DST: variants seen among roughly 807,000 people sequenced by gnomAD.
DST encodes the protein dystonin.
A neutral mutation model predicts 875.2 loss-of-function variants in DST; 253 were observed. The observed-to-expected ratio is 0.29, with a 90% CI of 0.26 to 0.32. DST has a LOEUF of 0.32. Among genes scored for constraint, DST ranks in the 10% least tolerant of loss-of-function variants. The pLI is 1.00. For missense variants in DST, 8,287 were observed against 9,111.6 expected (o/e 0.91, Z 3.68); for synonymous variants, 3,124 against 3,197.1 (o/e 0.98, Z 0.77).
chr6:56,617,368 T>C (rs2098638068), intron 36 of DST: 1 of 1,613,934 alleles, frequency 6.2e-7, no homozygotes, highest in Non-Finnish European at 8.5e-7. Context: ...TCTTTTCTTG[T>C]TTTAATGTTG....
chr6:56,533,166 A>G (rs2096927143), intron 63 of DST, among the ~76,000 whole-genome samples: 4 of 152,238 alleles, frequency 2.6e-5, no homozygotes. Context: ...AATAAGACTA[A>G]TATTTCAGGA....
chr6:56,660,081 A>G (rs557099787), intron 10 of DST, among the ~76,000 whole-genome samples: 1 of 152,284 alleles, frequency 6.6e-6, no homozygotes, highest in Admixed American at 6.5e-5. Flanking sequence ...TGGTGGGAGG[A>G]GGTGCTGTGA....
At chr6:56,490,426 A>C (rs2095697934) in intron 85 of DST, among the ~76,000 whole-genome samples, 1 of 152,174 alleles carries the variant, frequency 6.6e-6, no homozygotes, top group African/African-American at 2.4e-5. Flanking sequence ...ATACCTAACA[A>C]AAAATTTAGT....
At chr6:56,822,285 TCCTA>T (rs907475016) in intron 4 of DST, among the ~76,000 whole-genome samples, 13 of 151,890 alleles carry the variant, frequency 8.6e-5, no homozygotes, top group Non-Finnish European at 1.8e-4. Flanking sequence ...ACAAGGTGAG[TCCTA>T]CTATTACCCT....
chr6:56,589,387 A>G (rs1428875108), intron 49 of DST, among the ~76,000 whole-genome samples: 2 of 152,136 alleles, frequency 1.3e-5, no homozygotes, highest in African/African-American at 4.8e-5. Flanking sequence ...TTATAGTGCT[A>G]TTTTGGAAAA....
chr6:56,854,890 C>G (rs1473813001), intron 3 of DST, among the ~76,000 whole-genome samples: 1 of 152,120 alleles, frequency 6.6e-6, no homozygotes, highest in African/African-American at 2.4e-5. Context: ...ATGGGATTAA[C>G]TGACCCACTG....
At chr6:56,929,899 T>C (rs905873941) in intron 2 of DST, among the ~76,000 whole-genome samples, 1 of 152,200 alleles carries the variant, frequency 6.6e-6, no homozygotes. Flanking sequence ...CTAAATTCAA[T>C]GAATGATTCA....
At chr6:56,649,182 G>A (rs1352615856) in intron 12 of DST, among the ~76,000 whole-genome samples, 1 of 152,126 alleles carries the variant, frequency 6.6e-6, no homozygotes, top group East Asian at 1.9e-4. Context: ...TGTATATGGT[G>A]GGATTATCCA....
intron 2 of DST, among the ~76,000 whole-genome samples, chr6:56,931,569 C>T (rs765344151): frequency 6.6e-6 from 1 of 152,202 alleles, no homozygotes; most frequent in Non-Finnish European, 1.5e-5. Context: ...GCTGCAGACA[C>T]TCAACACTAG....
At chr6:56,901,990 A>C (rs1794357255) in intron 2 of DST, among the ~76,000 whole-genome samples, 1 of 152,244 alleles carries the variant, frequency 6.6e-6, no homozygotes, top group African/African-American at 2.4e-5. Context: ...CAGCGCTAGC[A>C]GATCTCAGAG....
At chr6:56,534,710 C>G (rs1584314675) in intron 63 of DST, among the ~76,000 whole-genome samples, 2 of 152,214 alleles carry the variant, frequency 1.3e-5, no homozygotes, top group Middle Eastern at 6.8e-3. Flanking sequence ...AAATTACACA[C>G]ACCCCCTCCC....
At chr6:56,462,502 A>C (rs989791336) in intron 102 of DST, among the ~76,000 whole-genome samples, 1 of 152,176 alleles carries the variant, frequency 6.6e-6, no homozygotes, top group Admixed American at 6.5e-5. Context: ...CCCTGCACTG[A>C]TACTGAGAGC....
At chr6:56,850,597 G>T (rs1382728041) in intron 4 of DST, among the ~76,000 whole-genome samples, 1 of 148,596 alleles carries the variant, frequency 6.7e-6, no homozygotes, top group Admixed American at 6.7e-5. Context: ...AAGAAAGAAA[G>T]AAAAAAAAAA....
At chr6:56,729,219 G>C (rs915094643) in intron 5 of DST, among the ~76,000 whole-genome samples, 3 of 152,088 alleles carry the variant, frequency 2.0e-5, no homozygotes, top group African/African-American at 7.2e-5. Context: ...CTTATTTGTA[G>C]GTTTTAAGAA....
At chr6:56,639,819 A>C in intron 19 of DST, 46 bp from the exon 20 acceptor site, 6 of 1,594,960 alleles carry the variant, frequency 3.8e-6, no homozygotes, top group Non-Finnish European at 5.2e-6. Flanking sequence ...AATCTGAAGG[A>C]ATTCTGACTC....
At position 56,657,155 on chromosome 6, in the gene DST, T is replaced by G. The variant is rs1228410129; in HGVS notation, c.1215-5911A>C. 2.0e-5 allele frequency among the ~76,000 whole-genome samples: 3 copies of G among 152,244 alleles called. No homozygotes were observed. The East Asian group carries it at 5.8e-4, about 29-fold the overall frequency. ...TTTCAAGATTATAAGCATTTTGTAT[T>G]GGGGAAAAAACATCCACAATGTCAT... On this transcript the variant is annotated intron_variant, in intron 10 of 103. Coordinates refer to ENST00000680361, the MANE Select transcript of DST (RefSeq NM_001374736.1).
chr6:56,695,248 T>C (rs1463673222), intron 9 of DST, among the ~76,000 whole-genome samples: 1 of 151,668 alleles, frequency 6.6e-6, no homozygotes, highest in Non-Finnish European at 1.5e-5. Flanking sequence ...CCTTCCACCA[T>C]GACTGAAAAA....
chr6:56,784,578 G>T (rs79315073), intron 4 of DST, among the ~76,000 whole-genome samples: 1 of 152,158 alleles, frequency 6.6e-6, no homozygotes. Flanking sequence ...AGCTCCATCA[G>T]CTCCTTTAAG....
intron 2 of DST, among the ~76,000 whole-genome samples, chr6:56,934,559 A>ATT (rs1554267210): frequency 0.012 from 783 of 67,208 alleles, 25 homozygotes; most frequent in African/African-American, 0.045. Context: ...TATATATTAT[A>ATT]TTATATATAT....
Sources: allele counts gnomAD v4.1 joint callset (sites outside exome capture counted in the v4.1 genomes callset), GRCh38; gene constraint gnomAD v4.1.1; transcripts MANE v1.5; gene names NCBI Gene and HGNC (gene_info 2026-07-23, HGNC 2026-07-21).